PLXNA2: variants seen among roughly 807,000 people sequenced by gnomAD.
PLXNA2 encodes plexin A2, also known as plexin-A2.
Under a neutral mutation model 193.5 loss-of-function variants are expected in PLXNA2, and 91 were observed. The observed-to-expected ratio is 0.47, with a 90% CI of 0.40 to 0.56. PLXNA2 has a LOEUF of 0.56. Ranked by LOEUF, PLXNA2 falls within the 20% of genes least tolerant of loss-of-function variation. PLXNA2 has a pLI of 0.00. For missense variants in PLXNA2, 1,995 were observed against 2,503.2 expected (o/e 0.80, Z 4.33); for synonymous variants, 997 against 1,027.3 (o/e 0.97, Z 0.56).
chr1:208,199,558 G>A (rs907491817), intron 3 of PLXNA2, among the ~76,000 whole-genome samples: 4 of 152,104 alleles, frequency 2.6e-5, no homozygotes, highest in Non-Finnish European at 5.9e-5. Flanking sequence ...GGGCGTGGTG[G>A]CATGAGCCTG....
chr1:208,244,284 G>C lies in PLXNA2; in HGVS notation c.-722C>G. ...GTCTGGCGCGGATGCCGCTCCTCCC[G>C]GCAGCTCTGGCTCCCGCGGTGGCGG... On this transcript the variant is annotated 5_prime_UTR_variant, in exon 1 of 32. Coordinates refer to ENST00000367033, the MANE Select transcript of PLXNA2 (RefSeq NM_025179.4). The C allele has an allele frequency of 5.4e-6, 1 of 186,648 alleles. No homozygotes were observed. The highest frequency in any genetic ancestry group is 1.0e-5 in the Non-Finnish European group (1 of 99,124). The allele number at this position is 186,648 out of a possible 1,614,324, so 11.6% of individuals were successfully genotyped here.
intron 3 of PLXNA2, among the ~76,000 whole-genome samples, chr1:208,207,402 G>A (rs1246778818): frequency 1.3e-5 from 2 of 152,230 alleles, no homozygotes; most frequent in East Asian, 3.9e-4. Context: ...TGCTCTCTAT[G>A]CATCTTGCAG....
chr1:208,187,752 T>C (rs1373082447), intron 3 of PLXNA2, among the ~76,000 whole-genome samples: 3 of 152,206 alleles, frequency 2.0e-5, no homozygotes, highest in African/African-American at 7.2e-5. Context: ...TACCAGGCCA[T>C]GTACTTGCGG....
At chr1:208,230,848 C>T (rs1358483453) in intron 1 of PLXNA2, among the ~76,000 whole-genome samples, 1 of 152,228 alleles carries the variant, frequency 6.6e-6, no homozygotes, top group East Asian at 1.9e-4. Context: ...GACAGCCTCT[C>T]CTAAGTAACA....
chr1:208,188,563 G>C (rs916863723), intron 3 of PLXNA2, among the ~76,000 whole-genome samples: 1 of 152,098 alleles, frequency 6.6e-6, no homozygotes, highest in Non-Finnish European at 1.5e-5. Context: ...ACAAAAATCA[G>C]CTGGGCATGG....
chr1:208,063,822 A>T (rs1665693991), intron 12 of PLXNA2, among the ~76,000 whole-genome samples: 1 of 152,148 alleles, frequency 6.6e-6, no homozygotes, highest in Non-Finnish European at 1.5e-5. Context: ...TGATTATTTG[A>T]TTTGCAAGTG....
At position 208,222,616 on chromosome 1, in the gene PLXNA2, G is replaced by A. The variant is rs569809049; in HGVS notation, c.-80-4614C>T. ...ACCTTCCTGATCAGCTGCTGCGGGC[G>A]TCAGTGGCAAAGCAGGGAAGAAATG... On this transcript the variant is annotated intron_variant, in intron 1 of 31. Coordinates refer to ENST00000367033, the MANE Select transcript of PLXNA2 (RefSeq NM_025179.4). Among the ~76,000 whole-genome samples the A allele has an allele frequency of 5.9e-5, 9 of 152,310 alleles. No individual in the cohort carries two copies. In the East Asian group the frequency reaches 1.2e-3, roughly 20 times the overall value.
intron 1 of PLXNA2, among the ~76,000 whole-genome samples, chr1:208,223,289 C>A (rs1173559112): frequency 6.6e-6 from 1 of 151,206 alleles, no homozygotes; most frequent in Non-Finnish European, 1.5e-5. Context: ...AACAAATTGA[C>A]CAGGGCGACT....
chr1:208,074,973 C>T (rs1051648664), intron 12 of PLXNA2, among the ~76,000 whole-genome samples: 1 of 152,182 alleles, frequency 6.6e-6, no homozygotes, highest in African/African-American at 2.4e-5. Flanking sequence ...TTGGGGAAAA[C>T]ATCTATGCCA....
At chr1:208,099,719 C>A (rs1667030226) in intron 5 of PLXNA2, among the ~76,000 whole-genome samples, 1 of 151,982 alleles carries the variant, frequency 6.6e-6, no homozygotes, top group Non-Finnish European at 1.5e-5. Context: ...TACAGGCGCC[C>A]ACCACCGTGC....
rs1664927424 is a variant in PLXNA2 at position 208,043,043 on chromosome 1, C to T, written c.4017+18G>A. The T allele has an allele frequency of 6.2e-7, 1 of 1,612,306 alleles. No individual in the cohort carries two copies. On this transcript the variant is annotated intron_variant, in intron 21 of 31. Coordinates refer to ENST00000367033, the MANE Select transcript of PLXNA2 (RefSeq NM_025179.4). ...CTGCATCCCTGCTGGGTGGCTGGGC[C>T]CAGGAGGCAGGCATTACCTCCAGCT... is the stretch of plus-strand genomic sequence containing the variant.
At chr1:208,130,158 A>G (rs921312905) in intron 4 of PLXNA2, among the ~76,000 whole-genome samples, 1 of 152,190 alleles carries the variant, frequency 6.6e-6, no homozygotes, top group African/African-American at 2.4e-5. Flanking sequence ...GCAAAGGCTC[A>G]GGGAACTTAA....
chr1:208,115,341 C>T (rs144976466), intron 4 of PLXNA2, among the ~76,000 whole-genome samples: 11 of 152,284 alleles, frequency 7.2e-5, no homozygotes, highest in South Asian at 6.2e-4. Flanking sequence ...TTAGTCTATC[C>T]GCTGAGTTCA....
At chr1:208,049,078 C>T (rs918714486) in intron 17 of PLXNA2, among the ~76,000 whole-genome samples, 9 of 152,134 alleles carry the variant, frequency 5.9e-5, no homozygotes, top group Non-Finnish European at 1.3e-4. Flanking sequence ...ACTTGCTTAC[C>T]CTGCTATGCC....
At chr1:208,230,965 C>T (rs1238229093) in intron 1 of PLXNA2, among the ~76,000 whole-genome samples, 1 of 152,154 alleles carries the variant, frequency 6.6e-6, no homozygotes, top group Admixed American at 6.5e-5. Flanking sequence ...GAGGTCTGAC[C>T]ACTTAAAGGT....
chr1:208,029,671 G>C (rs776300856), intron 29 of PLXNA2: 12 of 987,246 alleles, frequency 1.2e-5, no homozygotes, highest in Non-Finnish European at 1.4e-5. Flanking sequence ...TGGCATCCTG[G>C]GAATGACTCA....
At position 208,030,345 on chromosome 1, in the gene PLXNA2, G is replaced by A. The variant is rs147987201; in HGVS notation, c.5225+1245C>T. 2,080 of 985,582 alleles carry A rather than the reference G, an allele frequency of 2.1e-3. 3 individuals are homozygous for A. The highest frequency in any genetic ancestry group is 2.4e-3 in the Non-Finnish European group (1,989 of 830,046). 61.1% of individuals were successfully genotyped at this position (985,582 alleles called of 1,614,324 possible). A position where few individuals can be genotyped will look rare whatever the true frequency, so the allele number is the denominator to read the frequency against. On this transcript the variant is annotated intron_variant, in intron 29 of 31. Coordinates refer to ENST00000367033, the MANE Select transcript of PLXNA2 (RefSeq NM_025179.4). ...ACTTGGATCTGGCCAGCACACAGAAGGCACAGAGATGCGGATAACCCTGGA... is the reference window on the plus strand; with the variant it reads ...ACTTGGATCTGGCCAGCACACAGAAAGCACAGAGATGCGGATAACCCTGGA...
chr1:208,155,757 G>A (rs1558219760), intron 3 of PLXNA2, among the ~76,000 whole-genome samples: 1 of 152,022 alleles, frequency 6.6e-6, no homozygotes, highest in Non-Finnish European at 1.5e-5. Flanking sequence ...ATGGGATGCT[G>A]AGCTCTGGCT....
intron 3 of PLXNA2, among the ~76,000 whole-genome samples, chr1:208,176,554 CAG>C (rs1669666343): frequency 6.6e-6 from 1 of 152,144 alleles, no homozygotes; most frequent in Non-Finnish European, 1.5e-5. Context: ...CAGTGAGAAA[CAG>C]ACAGTAAGGG....
Sources: gnomAD v4.1 joint callset for allele counts (sites outside exome capture counted in the v4.1 genomes callset) on GRCh38, gnomAD v4.1.1 for gene constraint, MANE v1.5 for transcripts, NCBI Gene and HGNC (gene_info 2026-07-23, HGNC 2026-07-21) for gene names.